The following AGBL4 variants were observed in gnomAD, a reference collection of about 807,000 sequenced individuals.
The protein encoded by AGBL4 is AGBL carboxypeptidase 4.
Under a neutral mutation model 66.4 loss-of-function variants are expected in AGBL4, and 58 were observed. The observed-to-expected ratio is 0.87, with a 90% confidence interval of 0.71 to 1.09. The LOEUF is 1.09. Ranked by LOEUF, AGBL4 falls within the 50% of genes least tolerant of loss-of-function variation. The probability of loss-of-function intolerance (pLI) is 0.00; values close to 1 mark genes in which losing one functional copy is unlikely to be tolerated. For missense variants in AGBL4, 579 were observed against 631.0 expected (o/e 0.92, Z 0.88); for synonymous variants, 234 against 222.9 (o/e 1.05, Z -0.44).
chr1:48,617,917 ACT>A (rs1225954100), intron 9 of AGBL4, among the ~76,000 whole-genome samples: 2 of 151,692 alleles, frequency 1.3e-5, no homozygotes, highest in Non-Finnish European at 2.9e-5. Context: ...AAGAGATGAG[ACT>A]CTACCTTGCC....
intron 2 of AGBL4, among the ~76,000 whole-genome samples, chr1:49,839,373 T>G (rs938775074): frequency 1.3e-5 from 2 of 152,192 alleles, no homozygotes; most frequent in Non-Finnish European, 2.9e-5. Context: ...ATAGTGAAAC[T>G]CTCCTTTATA....
chr1:49,902,749 AAAACAAAC>A (rs761002224), intron 1 of AGBL4, among the ~76,000 whole-genome samples: 3 of 152,214 alleles, frequency 2.0e-5, no homozygotes, highest in Non-Finnish European at 2.9e-5. Flanking sequence ...TCTGTCTCAA[AAAACAAAC>A]AAACAAACAA....
chr1:48,761,610 G>A, intron 6 of AGBL4: 1 of 871,774 alleles, frequency 1.1e-6, no homozygotes, highest in Non-Finnish European at 1.7e-6. Context: ...ACTCAAGGCT[G>A]GTTCCCTCTT....
chr1:49,835,147 ATCTG>A (rs1645812556), intron 2 of AGBL4, among the ~76,000 whole-genome samples: 1 of 152,098 alleles, frequency 6.6e-6, no homozygotes, highest in African/African-American at 2.4e-5. Flanking sequence ...CTGTCTGTTG[ATCTG>A]TCTAATATTG....
At chr1:48,874,292 A>T (rs1649005781) in intron 5 of AGBL4, among the ~76,000 whole-genome samples, 1 of 150,944 alleles carries the variant, frequency 6.6e-6, no homozygotes, top group African/African-American at 2.4e-5. Flanking sequence ...CTTTCTAGGC[A>T]TCTAGGGATC....
intron 3 of AGBL4, among the ~76,000 whole-genome samples, chr1:49,530,919 A>G (rs1233269240): frequency 1.3e-5 from 2 of 152,118 alleles, no homozygotes; most frequent in African/African-American, 2.4e-5. Context: ...CTGTTGTCTT[A>G]TCTATAAAAT....
chr1:49,052,607 T>G (rs1475677602), intron 4 of AGBL4, among the ~76,000 whole-genome samples: 4 of 152,140 alleles, frequency 2.6e-5, no homozygotes, highest in Admixed American at 6.6e-5. Flanking sequence ...GAATTCTGGG[T>G]GCTTTGGGAT....
At chr1:48,680,136 A>G (rs1478805770) in intron 6 of AGBL4, among the ~76,000 whole-genome samples, 2 of 152,238 alleles carry the variant, frequency 1.3e-5, no homozygotes, top group African/African-American at 4.8e-5. Context: ...TGGGCACATC[A>G]ATATAAAAAT....
intron 1 of AGBL4, among the ~76,000 whole-genome samples, chr1:49,976,076 C>T (rs960648476): frequency 6.6e-6 from 1 of 152,162 alleles, no homozygotes; most frequent in Non-Finnish European, 1.5e-5. Flanking sequence ...CAGCCACCTG[C>T]TAATTTCACC....
rs1196678785 is a variant in AGBL4, at chr1:49,854,147, TAGA to T, written c.35-2632_35-2630del. 5.4e-5 allele frequency among the ~76,000 whole-genome samples: 8 copies of T among 148,448 alleles called. No individual in the cohort carries two copies. The East Asian group carries it at 6.2e-4, about 11-fold the overall frequency. On this transcript the variant is annotated intron_variant, in intron 1 of 13. Transcript: ENST00000371839. ...TATATTACAAAAATTGCACAAAAGA[TAGA>T]AGAAGATGGATGACTATAGGTGCCT...
chr1:48,587,043 T>C lies in AGBL4; in HGVS notation c.1228A>G (p.Ser410Gly). Residue 410 changes from serine to glycine, a missense_variant, in exon 11 of 14, where the codon AGT becomes GGT. Transcript: ENST00000371839. ...LEVSFYSYIISGTTAAVPYTE... is the reference protein window; with the variant it reads ...LEVSFYSYIIGGTTAAVPYTE... ...TAGGGCACAGCAGCCGTGGTGCCAC[T>C]GATGATGTAGCTGTAGAAGGAGACC... is the stretch of plus-strand genomic sequence containing the variant. The C allele has an allele frequency of 6.2e-7, 1 of 1,609,524 alleles. No individual in the cohort carries two copies. The highest frequency in any genetic ancestry group is 8.5e-7 in the Non-Finnish European group (1 of 1,178,152).
chr1:49,947,964 ATATATATATT>A (rs1557607097), intron 1 of AGBL4, among the ~76,000 whole-genome samples: 1 of 75,422 alleles, frequency 1.3e-5, no homozygotes, highest in African/African-American at 4.0e-5. Context: ...ATATATATAA[ATATATATATT>A]TATAAATATA....
At chr1:49,153,513 C>T (rs778751881) in intron 4 of AGBL4, among the ~76,000 whole-genome samples, 47 of 152,226 alleles carry the variant, frequency 3.1e-4, no homozygotes, top group Non-Finnish European at 5.3e-4. Context: ...TCTCTATGCA[C>T]ATCACTCCAC....
intron 1 of AGBL4, among the ~76,000 whole-genome samples, chr1:49,881,473 CA>C (rs926178652): frequency 5.0e-4 from 76 of 151,628 alleles, no homozygotes; most frequent in African/African-American, 1.8e-3. Context: ...CTGACTTCCA[CA>C]ATGGTTGAAC....
intron 3 of AGBL4, among the ~76,000 whole-genome samples, chr1:49,609,254 T>C (rs1645112329): frequency 6.6e-6 from 1 of 152,156 alleles, no homozygotes; most frequent in Non-Finnish European, 1.5e-5. Flanking sequence ...GCTTCCTGTG[T>C]TTTTCACTTA....
intron 5 of AGBL4, among the ~76,000 whole-genome samples, chr1:48,993,819 C>T (rs1428431356): frequency 6.6e-6 from 1 of 152,106 alleles, no homozygotes; most frequent in African/African-American, 2.4e-5. Flanking sequence ...AATCACTGCA[C>T]TCTCCCTCCC....
intron 3 of AGBL4, among the ~76,000 whole-genome samples, chr1:49,430,392 AT>A (rs901143476): frequency 2.0e-5 from 3 of 152,034 alleles, no homozygotes; most frequent in Non-Finnish European, 4.4e-5. Flanking sequence ...ATTATCATTG[AT>A]TTTTTCTTTT....
At chr1:48,653,206 T>A in intron 8 of AGBL4, 131 bp downstream of exon 8, 1 of 661,346 alleles carries the variant, frequency 1.5e-6, no homozygotes. Flanking sequence ...AGAGCCAGGG[T>A]GAAACTTTCT....
At chr1:48,883,790 C>A (rs1179185358) in intron 5 of AGBL4, among the ~76,000 whole-genome samples, 1 of 152,166 alleles carries the variant, frequency 6.6e-6, no homozygotes, top group Non-Finnish European at 1.5e-5. Flanking sequence ...TGGTAAATAG[C>A]TGGTGGCTTA....
Sources: gnomAD v4.1 joint callset for allele counts (sites outside exome capture counted in the v4.1 genomes callset) on GRCh38, gnomAD v4.1.1 for gene constraint, MANE v1.5 for transcripts, NCBI Gene and HGNC (gene_info 2026-07-23, HGNC 2026-07-21) for gene names.